The following MDGA1 variants were observed in gnomAD, a reference collection of about 807,000 sequenced individuals.
MDGA1 encodes the protein MAM domain-containing glycosylphosphatidylinositol anchor protein 1.
Under a neutral mutation model 101.5 loss-of-function variants are expected in MDGA1, and 54 were observed. The ratio of observed to expected loss-of-function variants is 0.53; its 90% CI spans 0.43 to 0.67. The LOEUF (loss-of-function observed/expected upper bound fraction) is 0.67, where lower values mean the gene tolerates loss of function less well. MDGA1 is among the 30% of genes least tolerant of loss of function. The pLI, the probability that MDGA1 is intolerant of heterozygous loss-of-function variation, is 0.00. For missense variants in MDGA1, 1,083 were observed against 1,323.8 expected, an observed-to-expected ratio of 0.82 and a Z score of 2.82; for synonymous variants, 533 against 558.3, an observed-to-expected ratio of 0.95 and a Z score of 0.64.
chr6:37,687,775 C>T (rs1406346136), intron 1 of MDGA1, among the ~76,000 whole-genome samples: 4 of 152,048 alleles, frequency 2.6e-5, no homozygotes, highest in Non-Finnish European at 4.4e-5. Context: ...CCTGGCCTCA[C>T]TTTATTCTTA....
At chr6:37,693,325 G>GA (rs949679311) in intron 1 of MDGA1, among the ~76,000 whole-genome samples, 8 of 152,068 alleles carry the variant, frequency 5.3e-5, no homozygotes, top group African/African-American at 1.2e-4. Flanking sequence ...CCAGAGGAGG[G>GA]AAAAAAACCT....
Position 37,647,048 on chromosome 6 carries a change from G to A in MDGA1, c.2046+125C>T, listed in dbSNP as rs530349866. 364 of 821,276 alleles carry A rather than the reference G, an allele frequency of 4.4e-4. 1 individual carries two copies. Among genetic ancestry groups the A allele is most frequent in the Non-Finnish European group, 6.3e-4 (331 of 528,196 alleles). The allele number at this position is 821,276 out of a possible 1,614,324, so 50.9% of individuals were successfully genotyped here. A position where few individuals can be genotyped will look rare whatever the true frequency, so the allele number is the denominator to read the frequency against. On this transcript the variant is annotated intron_variant, in intron 10 of 16. Transcript: ENST00000434837. ...CTTTTCTCCCTGCCCCTGAAGAATT[G>A]CCTCTAAAAGGGTCAACGTGTCTAA... is the stretch of plus-strand genomic sequence containing the variant.
chr6:37,693,088 C>T, intron 1 of MDGA1, among the ~76,000 whole-genome samples: 1 of 152,348 alleles, frequency 6.6e-6, no homozygotes, highest in South Asian at 2.1e-4. Context: ...ACACAAAGTG[C>T]TCCCCCTCGC....
At chr6:37,639,499 A>C (rs1030771508) in intron 14 of MDGA1, 3 of 152,106 alleles carry the variant, frequency 2.0e-5, no homozygotes, top group African/African-American at 7.2e-5. Flanking sequence ...CTGGCCTTCC[A>C]CACCTGATCT....
At chr6:37,659,226 C>T (rs189304022) in intron 2 of MDGA1, among the ~76,000 whole-genome samples, 8 of 152,286 alleles carry the variant, frequency 5.3e-5, no homozygotes, top group Admixed American at 2.0e-4. Context: ...AAGCTGCTCC[C>T]GGGTTCCTGT....
rs556226566 is a variant in MDGA1 at position 37,655,095 on chromosome 6, G to A, written c.580-163C>T. 2 of 804,052 alleles carry A rather than the reference G, an allele frequency of 2.5e-6. No homozygotes were observed. The highest frequency in any genetic ancestry group is 2.7e-5 in the East Asian group (1 of 37,332). The allele number at this position is 804,052 out of a possible 1,614,324, so 49.8% of individuals were successfully genotyped here. On this transcript the variant is annotated intron_variant, in intron 4 of 16. Coordinates refer to ENST00000434837, the MANE Select transcript of MDGA1 (RefSeq NM_153487.4). The surrounding 1 kb of genome is among the most constrained non-coding windows in gnomAD (Gnocchi z 5.1). The stretch of plus-strand genomic sequence containing the variant: ...ATTTAGCCCCAGGGGTCCTGAGCCT[G>A]GGGTGGATGCTACACTCTCCATAGC...
intron 13 of MDGA1, 55 bp downstream of exon 13, chr6:37,644,442 C>T: frequency 1.4e-6 from 2 of 1,468,770 alleles, no homozygotes; most frequent in Non-Finnish European, 1.8e-6. Flanking sequence ...GTGCCCTGGG[C>T]CTAGACACCC....
intron 14 of MDGA1, chr6:37,639,562 TG>T (rs1764015742): frequency 1.3e-5 from 2 of 152,238 alleles, no homozygotes; most frequent in African/African-American, 4.8e-5. Context: ...TCTAGCAAAC[TG>T]GTATCCTTGC....
chr6:37,637,593 G>A, intron 16 of MDGA1, 134 bp from the exon 17 acceptor site: 1 of 692,758 alleles, frequency 1.4e-6, no homozygotes, highest in South Asian at 1.9e-5. Context: ...TGGCCTCAGT[G>A]CACACAGACA....
Position 37,668,741 on chromosome 6 carries a change from C to T in MDGA1, c.68-4635G>A, listed in dbSNP as rs1232372438. Among the ~76,000 whole-genome samples the T allele has an allele frequency of 2.0e-5, 3 of 152,168 alleles. No homozygotes were observed. In the East Asian group the frequency reaches 5.8e-4, roughly 29 times the overall value. On this transcript the variant is annotated intron_variant, in intron 1 of 16. Transcript: ENST00000434837. ...TATTCAAAACTTAAAACTGGAAGAA[C>T]TAATCTTAGGGTAACAGAGGCCTAA...
intron 1 of MDGA1, among the ~76,000 whole-genome samples, chr6:37,688,357 A>T (rs1289402472): frequency 1.3e-5 from 2 of 152,194 alleles, no homozygotes; most frequent in Non-Finnish European, 2.9e-5. Flanking sequence ...AGGGCTGAGA[A>T]CCACTTTTCT....
At chr6:37,648,846 G>A in intron 9 of MDGA1, 136 bp downstream of exon 9, 1 of 1,400,322 alleles carries the variant, frequency 7.1e-7, no homozygotes, top group Admixed American at 3.1e-5. Flanking sequence ...GGAAAGGCCG[G>A]GGCTAAGCCT....
chr6:37,646,253 G>A lies in MDGA1; in HGVS notation c.2169C>T (p.Pro723=). 6.2e-7 allele frequency: 1 copy of A among 1,604,348 alleles called. No homozygotes were observed. Among genetic ancestry groups the A allele is most frequent in the South Asian group, 1.1e-5 (1 of 89,390 alleles). Residue 723 remains proline, a synonymous_variant, in exon 11 of 17, where the codon CCC becomes CCT. Transcript: ENST00000434837. ...TGTCACCAGCCCCGAAGGTGGTATAGGGTGTGAGGCGGACCTCATAGCTGT... is the reference window on the plus strand; with the variant it reads ...TGTCACCAGCCCCGAAGGTGGTATAAGGTGTGAGGCGGACCTCATAGCTGT... ...VPHSYEVRLT[P]YTTFGAGDMA... is the part of the protein sequence containing the mutation.
intron 8 of MDGA1, among the ~76,000 whole-genome samples, chr6:37,649,599 TG>T (rs1761308592): frequency 6.6e-6 from 1 of 152,066 alleles, no homozygotes; most frequent in African/African-American, 2.4e-5. Context: ...TAAAGCTAGA[TG>T]GGCTGGGTTC....
chr6:37,686,655 G>C (rs1762204685), intron 1 of MDGA1, among the ~76,000 whole-genome samples: 1 of 152,100 alleles, frequency 6.6e-6, no homozygotes, highest in Non-Finnish European at 1.5e-5. Flanking sequence ...TCAAACTCCT[G>C]ACCTCAGGAG....
At chr6:37,683,065 A>G (rs1480033320) in intron 1 of MDGA1, among the ~76,000 whole-genome samples, 2 of 152,176 alleles carry the variant, frequency 1.3e-5, no homozygotes, top group African/African-American at 2.4e-5. Context: ...CCCCACCTCT[A>G]TGTTGGTTTT....
Position 37,633,581 on chromosome 6 carries a change from G to A in MDGA1, c.*3787C>T, listed in dbSNP as rs954782254. On this transcript the variant is annotated 3_prime_UTR_variant, in exon 17 of 17. Coordinates refer to ENST00000434837, the MANE Select transcript of MDGA1 (RefSeq NM_153487.4). ...CTTCTGTCTGGGGGCCTGGGAGAAGGGCAGCAGCTGCAGACACTGTGGTGG... is the reference window on the plus strand; with the variant it reads ...CTTCTGTCTGGGGGCCTGGGAGAAGAGCAGCAGCTGCAGACACTGTGGTGG... The A allele has an allele frequency of 2.0e-5, 3 of 152,380 alleles. No homozygotes were observed. Among genetic ancestry groups the A allele is most frequent in the African/African-American group, 7.2e-5 (3 of 41,474 alleles). The allele number at this position is 152,380 out of a possible 1,614,324, so 9.4% of individuals were successfully genotyped here. A position where few individuals can be genotyped will look rare whatever the true frequency, so the allele number is the denominator to read the frequency against.
chr6:37,639,004 G>T, intron 14 of MDGA1: 1 of 238,240 alleles, frequency 4.2e-6, no homozygotes, highest in South Asian at 7.0e-5. Context: ...GCTGTCCCAG[G>T]GCAGTGGGAC....
At chr6:37,658,099 C>T (rs1761532802) in intron 3 of MDGA1, 146 bp downstream of exon 3, 1 of 868,426 alleles carries the variant, frequency 1.2e-6, no homozygotes, top group Non-Finnish European at 1.7e-6. Context: ...GTGGTACACA[C>T]CGCCTGGTAC....
Sources: allele counts gnomAD v4.1 joint callset (sites outside exome capture counted in the v4.1 genomes callset), GRCh38; gene constraint gnomAD v4.1.1; non-coding constraint Gnocchi (gnomAD v3.1); transcripts MANE v1.5; gene names NCBI Gene and HGNC (gene_info 2026-07-23, HGNC 2026-07-21).